The following DGCR8 variants were observed in gnomAD, a reference collection of about 807,000 sequenced individuals.
The protein encoded by DGCR8 is DGCR8 microprocessor complex subunit.
In DGCR8, 14 loss-of-function variants were observed where a neutral mutation model predicts 78.5. The observed-to-expected ratio is 0.18, with a 90% CI of 0.12 to 0.28. The LOEUF (loss-of-function observed/expected upper bound fraction) is 0.28. DGCR8 is among the 10% of genes least tolerant of loss of function. The probability of loss-of-function intolerance (pLI) is 1.00; values close to 1 mark genes in which losing one functional copy is unlikely to be tolerated. For missense variants in DGCR8, 702 were observed against 1,022.5 expected, an observed-to-expected ratio of 0.69 and a Z score of 4.28; for synonymous variants, 399 against 402.4, an observed-to-expected ratio of 0.99 and a Z score of 0.10.
At chr22:20,082,763 G>A (rs891876235) in intron 1 of DGCR8, among the ~76,000 whole-genome samples, 19 of 152,308 alleles carry the variant, frequency 1.2e-4, no homozygotes, top group African/African-American at 4.3e-4. Context: ...TCACTTCCTG[G>A]CTGTATGACC....
At chr22:20,081,774 T>C (rs73877135) in intron 1 of DGCR8, among the ~76,000 whole-genome samples, 7,138 of 152,264 alleles carry the variant, frequency 0.047, 238 homozygotes, top group East Asian at 0.091. Flanking sequence ...CAAGTAGCCA[T>C]ATCCAAACCA....
At chr22:20,104,197 G>A (rs1050863965) in intron 9 of DGCR8, among the ~76,000 whole-genome samples, 2 of 146,840 alleles carry the variant, frequency 1.4e-5, no homozygotes, top group African/African-American at 2.5e-5. Context: ...TCGCTCTGTC[G>A]CCCAGGCCGG....
chr22:20,105,736 G>T (rs1377146342), intron 9 of DGCR8, among the ~76,000 whole-genome samples: 4 of 152,224 alleles, frequency 2.6e-5, no homozygotes, highest in African/African-American at 7.2e-5. Flanking sequence ...CCTTTGGGGA[G>T]CTGGGCCTTT....
intron 12 of DGCR8, 50 bp from the exon 13 acceptor site, chr22:20,108,840 C>A: frequency 1.1e-6 from 1 of 933,244 alleles, no homozygotes; most frequent in Non-Finnish European, 1.7e-6. Flanking sequence ...AGCGGGCAGG[C>A]CGTAGAGCTA....
At chr22:20,109,928 C>A in intron 13 of DGCR8, 97 bp from the exon 14 acceptor site, 1 of 1,237,810 alleles carries the variant, frequency 8.1e-7, no homozygotes, top group Non-Finnish European at 1.2e-6. Context: ...CCAGGGCCTC[C>A]TGGCATGATC....
rs1309950866 is a variant in DGCR8 at position 20,095,149 on chromosome 22, C to T, written c.1788+354C>T. 3.9e-5 allele frequency among the ~76,000 whole-genome samples: 6 copies of T among 152,066 alleles called. No individual in the cohort carries two copies. In the East Asian group the frequency reaches 7.7e-4, roughly 20 times the overall value. On this transcript the variant is annotated intron_variant, in intron 9 of 13. Transcript: ENST00000351989. The stretch of plus-strand genomic sequence containing the variant: ...TTTGAGACAAAGTCTTGCTCTGTCA[C>T]CCAGGCAGTGACAGAGTTTGATCTT...
intron 9 of DGCR8, among the ~76,000 whole-genome samples, chr22:20,097,031 C>G (rs1353871531): frequency 1.3e-5 from 2 of 152,004 alleles, no homozygotes; most frequent in Non-Finnish European, 2.9e-5. Context: ...TTGGTCATGA[C>G]ATATAATGAT....
chr22:20,100,049 C>G (rs2049677140), intron 9 of DGCR8, among the ~76,000 whole-genome samples: 1 of 152,178 alleles, frequency 6.6e-6, no homozygotes. Context: ...CAAGTACTAG[C>G]TGTTCCAGGA....
At chr22:20,106,388 T>C in intron 10 of DGCR8, 111 bp downstream of exon 10, 2 of 999,344 alleles carry the variant, frequency 2.0e-6, no homozygotes, top group South Asian at 2.8e-5. Context: ...CAGGTTTCCC[T>C]GGGTACACAG....
At chr22:20,103,934 CG>C (rs1568960681) in intron 9 of DGCR8, among the ~76,000 whole-genome samples, 1 of 152,158 alleles carries the variant, frequency 6.6e-6, no homozygotes, top group Non-Finnish European at 1.5e-5. Flanking sequence ...GTAGAGGTGT[CG>C]GGCGTCTGTG....
In DGCR8 at chr22:20,091,732, T is replaced by A. The variant is rs146968198; in HGVS notation, c.1504+100T>A. 808 of 1,529,520 alleles carry A rather than the reference T, an allele frequency of 5.3e-4. 5 individuals are homozygous for A. The African/African-American group carries it at 9.7e-3, about 18-fold the overall frequency. The allele number at this position is 1,529,520 out of a possible 1,614,324, so 94.7% of individuals were successfully genotyped here. A position where few individuals can be genotyped will look rare whatever the true frequency, so the allele number is the denominator to read the frequency against. On this transcript the variant is annotated intron_variant, in intron 6 of 13. Transcript: ENST00000351989. ...TTTATGAGTTGCATTTCGTTCAAAG[T>A]TTATGTTTATCCCATGAATGCAGGG...
chr22:20,086,735 A>G lies in DGCR8; in HGVS notation c.720+52A>G, dbSNP rs960747372. 2.7e-6 allele frequency: 4 copies of G among 1,469,162 alleles called. No homozygotes were observed. Among genetic ancestry groups the G allele is most frequent in the African/African-American group, 1.4e-5 (1 of 70,702 alleles). The allele number at this position is 1,469,162 out of a possible 1,614,324, so 91.0% of individuals were successfully genotyped here. ...GGCTCTTAGCAAAACCCAAAGAGAGATTTGGGAATTGCAGCATCTTTTGAA... is the reference window on the plus strand; with the variant it reads ...GGCTCTTAGCAAAACCCAAAGAGAGGTTTGGGAATTGCAGCATCTTTTGAA... On this transcript the variant is annotated intron_variant, in intron 2 of 13. Transcript: ENST00000351989. This position sits in a 1 kb window ranked among gnomAD's most constrained non-coding sequence, Gnocchi z 6.4.
rs376871018 is a variant in DGCR8, at chr22:20,084,734, T to A, written c.-277-953T>A. 6.3e-4 allele frequency among the ~76,000 whole-genome samples: 96 copies of A among 152,318 alleles called. 1 individual carries two copies. Among genetic ancestry groups the A allele is most frequent in the South Asian group, 5.0e-3 (24 of 4,828 alleles). On this transcript the variant is annotated intron_variant, in intron 1 of 13. Transcript: ENST00000351989. ...TTCCCTCTTTTCTCTGCTATCCACC[T>A]CCGTTGGGTCAACAAGTGCGGTCAG...
intron 7 of DGCR8, among the ~76,000 whole-genome samples, chr22:20,092,465 C>T (rs990608601): frequency 1.3e-5 from 2 of 152,200 alleles, no homozygotes; most frequent in African/African-American, 2.4e-5. Context: ...GTTTCTTTGG[C>T]AAGCCACATC....
intron 9 of DGCR8, chr22:20,101,518 C>T: frequency 1.1e-6 from 1 of 924,248 alleles, no homozygotes; most frequent in Non-Finnish European, 1.3e-6. Context: ...GCGGAGCTTG[C>T]AGCGAGCTGA....
chr22:20,104,494 GAGCGTGCTCTCT>G (rs2049746948), intron 9 of DGCR8, among the ~76,000 whole-genome samples: 1 of 152,170 alleles, frequency 6.6e-6, no homozygotes. Context: ...AGAAACTTCT[GAGCGTGCTCTCT>G]AGCTGTGTGT....
At chr22:20,104,066 T>C (rs1351276498) in intron 9 of DGCR8, among the ~76,000 whole-genome samples, 2 of 152,174 alleles carry the variant, frequency 1.3e-5, no homozygotes. Context: ...TCTGCTCTCA[T>C]GAGCTGGAGC....
At chr22:20,096,947 T>C (rs2049635516) in intron 9 of DGCR8, among the ~76,000 whole-genome samples, 1 of 152,216 alleles carries the variant, frequency 6.6e-6, no homozygotes, top group East Asian at 1.9e-4. Flanking sequence ...TTTTGTCTTT[T>C]ATTTTAGTAA....
At chr22:20,081,391 G>C (rs532078470) in intron 1 of DGCR8, among the ~76,000 whole-genome samples, 21 of 152,362 alleles carry the variant, frequency 1.4e-4, no homozygotes, top group Middle Eastern at 6.8e-3. Context: ...CTTGCCGTGA[G>C]CCCGTTCCTG....
Sources: allele counts gnomAD v4.1 joint callset (sites outside exome capture counted in the v4.1 genomes callset), GRCh38; gene constraint gnomAD v4.1.1; non-coding constraint Gnocchi (gnomAD v3.1); transcripts MANE v1.5; gene names NCBI Gene and HGNC (gene_info 2026-07-23, HGNC 2026-07-21).